Variants in TMEM135 observed in about 807,000 individuals in gnomAD.
The protein encoded by TMEM135 is transmembrane protein 135.
TMEM135 carries 30 observed loss-of-function variants against 60.3 expected under a neutral mutation model. The observed-to-expected ratio is 0.50, with a 90% CI of 0.37 to 0.68. The LOEUF (loss-of-function observed/expected upper bound fraction) is 0.68, where lower values mean the gene tolerates loss of function less well. Among genes scored for constraint, TMEM135 ranks in the 30% least tolerant of loss-of-function variants. The probability of loss-of-function intolerance (pLI) is 0.00; values close to 1 mark genes in which losing one functional copy is unlikely to be tolerated. For synonymous variants in TMEM135, 190 were observed against 186.7 expected, an observed-to-expected ratio of 1.02 and a Z score of -0.14; for missense variants, 468 against 548.8, an observed-to-expected ratio of 0.85 and a Z score of 1.47.
chr11:87,106,332 G>A (rs1857596264), intron 4 of TMEM135, among the ~76,000 whole-genome samples: 1 of 152,216 alleles, frequency 6.6e-6, no homozygotes, highest in African/African-American at 2.4e-5. Context: ...TCGAACTCCT[G>A]ACCTCAGCTG....
At chr11:87,131,091 A>T (rs1029242700) in intron 4 of TMEM135, among the ~76,000 whole-genome samples, 1 of 151,962 alleles carries the variant, frequency 6.6e-6, no homozygotes, top group Non-Finnish European at 1.5e-5. Context: ...TTTTTGCTTT[A>T]TAGAAACCTT....
chr11:87,215,796 A>C (rs1940486988), intron 5 of TMEM135, among the ~76,000 whole-genome samples: 1 of 152,132 alleles, frequency 6.6e-6, no homozygotes, highest in Non-Finnish European at 1.5e-5. Flanking sequence ...ATTCTTATTG[A>C]TGCTTTACTT....
intron 5 of TMEM135, among the ~76,000 whole-genome samples, chr11:87,176,089 C>T (rs1319366038): frequency 1.3e-5 from 2 of 152,106 alleles, no homozygotes; most frequent in South Asian, 2.1e-4. Context: ...ATATTTGACC[C>T]TCCAAACCTC....
At chr11:87,204,039 T>G (rs1487822208) in intron 5 of TMEM135, among the ~76,000 whole-genome samples, 1 of 151,282 alleles carries the variant, frequency 6.6e-6, no homozygotes, top group Non-Finnish European at 1.5e-5. Flanking sequence ...AGAATTATCC[T>G]TTTTTTTTCA....
chr11:87,093,434 C>T (rs1056893234), intron 4 of TMEM135, among the ~76,000 whole-genome samples: 1 of 152,084 alleles, frequency 6.6e-6, no homozygotes, highest in Non-Finnish European at 1.5e-5. Context: ...TGGTCTCAGA[C>T]TCTTGGGCTC....
At chr11:87,091,535 T>C in intron 4 of TMEM135, 140 bp downstream of exon 4, 1 of 811,718 alleles carries the variant, frequency 1.2e-6, no homozygotes, top group Non-Finnish European at 2.0e-6. Flanking sequence ...GAATTAAATG[T>C]TCAAAAAAGC....
intron 6 of TMEM135, among the ~76,000 whole-genome samples, chr11:87,247,393 C>G (rs1291272114): frequency 6.6e-6 from 1 of 152,198 alleles, no homozygotes; most frequent in African/African-American, 2.4e-5. Context: ...AACTGTCAGA[C>G]AGGGATATTT....
chr11:87,253,179 T>C (rs1941454052), intron 6 of TMEM135, among the ~76,000 whole-genome samples: 1 of 152,174 alleles, frequency 6.6e-6, no homozygotes, highest in Admixed American at 6.5e-5. Flanking sequence ...GTGGCAAATC[T>C]GTTGTCATTT....
At chr11:87,319,169 A>G in intron 13 of TMEM135, 141 bp from the exon 14 acceptor site, 1 of 757,136 alleles carries the variant, frequency 1.3e-6, no homozygotes, top group South Asian at 1.6e-5. Flanking sequence ...GTGCCCAGCC[A>G]AAAGCAACAT....
chr11:87,165,354 G>T lies in TMEM135; in HGVS notation c.462+7948G>T, dbSNP rs57024158. Among the ~76,000 whole-genome samples the T allele has an allele frequency of 5.6e-5, 6 of 107,858 alleles. 2 individuals are homozygous for T. Among genetic ancestry groups the T allele is most frequent in the Non-Finnish European group, 1.1e-4 (6 of 52,984 alleles). 70.8% of individuals were successfully genotyped at this position (107,858 alleles called of 152,430 possible). On this transcript the variant is annotated intron_variant, in intron 5 of 14. Coordinates refer to ENST00000305494, the MANE Select transcript of TMEM135 (RefSeq NM_022918.4). ...TGCTGGATTACATTTATTGATTTGC[G>T]TATATTGAACCAGCCTTGCATCTCA...
intron 6 of TMEM135, among the ~76,000 whole-genome samples, chr11:87,252,798 A>G (rs200307686): frequency 9.2e-4 from 123 of 134,232 alleles, no homozygotes; most frequent in Admixed American, 3.2e-3. Context: ...TAAAATATAT[A>G]TGTGTGTGTG....
chr11:87,073,031 A>G lies in TMEM135; in HGVS notation c.362+1416A>G, dbSNP rs551470078. Among the ~76,000 whole-genome samples the G allele has an allele frequency of 5.3e-5, 8 of 152,158 alleles. No homozygotes were observed. The South Asian group carries it at 1.0e-3, about 20-fold the overall frequency. ...TATTAAACTACTGGAAGCCACTCTTACTTATTTATTTATTTATTTTTTTGA... is the reference window on the plus strand; with the variant it reads ...TATTAAACTACTGGAAGCCACTCTTGCTTATTTATTTATTTATTTTTTTGA... On this transcript the variant is annotated intron_variant, in intron 3 of 14. Transcript: ENST00000305494.
At chr11:87,073,182 G>A (rs1450175030) in intron 3 of TMEM135, among the ~76,000 whole-genome samples, 7 of 151,984 alleles carry the variant, frequency 4.6e-5, no homozygotes, top group South Asian at 2.1e-4. Flanking sequence ...CTACAGGCAC[G>A]TGCCACCACG....
chr11:87,044,796 C>G (rs546715966), intron 1 of TMEM135, among the ~76,000 whole-genome samples: 1 of 150,860 alleles, frequency 6.6e-6, no homozygotes, highest in Admixed American at 6.6e-5. Flanking sequence ...GACTACAGGC[C>G]GCGCCACCAC....
rs749450876 is a variant in TMEM135, at chr11:87,038,017, C to A, written c.-29C>A. 28 of 1,613,150 alleles carry A rather than the reference C, an allele frequency of 1.7e-5. No homozygotes were observed. The East Asian group carries it at 3.1e-4, about 18-fold the overall frequency. On this transcript the variant is annotated 5_prime_UTR_variant, in exon 1 of 15. Transcript: ENST00000305494. The stretch of plus-strand genomic sequence containing the variant: ...TCCCTGCAGGGCTCAGGCTCTCCCC[C>A]TCCTGTCTTCTCCGCGCTGTTCCTC...
intron 5 of TMEM135, among the ~76,000 whole-genome samples, chr11:87,162,603 C>T (rs1252017801): frequency 1.3e-5 from 2 of 152,156 alleles, no homozygotes; most frequent in African/African-American, 4.8e-5. Flanking sequence ...GCCACATTTT[C>T]TTTATCCAGT....
At chr11:87,298,133 C>T (rs12272915) in intron 7 of TMEM135, among the ~76,000 whole-genome samples, 49,075 of 151,966 alleles carry the variant, frequency 0.32, 9,490 homozygotes, top group Non-Finnish European at 0.44. Flanking sequence ...TTATTGTAGA[C>T]GTATGCTGTA....
At chr11:87,238,788 C>T (rs1419052641) in intron 6 of TMEM135, among the ~76,000 whole-genome samples, 1 of 151,946 alleles carries the variant, frequency 6.6e-6, no homozygotes, top group Non-Finnish European at 1.5e-5. Context: ...AGGGAAAATG[C>T]AATCGTAAAA....
At chr11:87,071,420 G>A (rs1388788635) in intron 2 of TMEM135, 103 bp from the exon 3 acceptor site, 1 of 832,664 alleles carries the variant, frequency 1.2e-6, no homozygotes, top group Non-Finnish European at 2.1e-6. Context: ...AGGTAGTGTG[G>A]TACATTTAAA....
Sources: gnomAD v4.1 joint callset for allele counts (sites outside exome capture counted in the v4.1 genomes callset) on GRCh38, gnomAD v4.1.1 for gene constraint, MANE v1.5 for transcripts, NCBI Gene and HGNC (gene_info 2026-07-23, HGNC 2026-07-21) for gene names.